The following PCSK6 variants were observed in gnomAD, a reference collection of about 807,000 sequenced individuals.
PCSK6 encodes the protein proprotein convertase subtilisin/kexin type 6, also known as paired basic amino acid cleaving enzyme 4.
In PCSK6, 85 loss-of-function variants were observed where a neutral mutation model predicts 123.3. The observed-to-expected ratio is 0.69, with a 90% CI of 0.58 to 0.83. The LOEUF is 0.83. PCSK6 is among the 40% of genes least tolerant of loss of function. The probability of loss-of-function intolerance (pLI) is 0.00; values close to 1 mark genes in which losing one functional copy is unlikely to be tolerated. For missense variants in PCSK6, 1,191 were observed against 1,282.3 expected (o/e 0.93, Z 1.09); for synonymous variants, 508 against 516.0 (o/e 0.98, Z 0.21).
intron 13 of PCSK6, among the ~76,000 whole-genome samples, chr15:101,332,970 A>C (rs1472741727): frequency 1.3e-5 from 2 of 152,232 alleles, no homozygotes; most frequent in African/African-American, 4.8e-5. Context: ...TGGAAGCCAG[A>C]TGCATTCAGT....
At chr15:101,352,985 T>C (rs2141415070) in intron 13 of PCSK6, among the ~76,000 whole-genome samples, 1 of 152,338 alleles carries the variant, frequency 6.6e-6, no homozygotes, top group East Asian at 1.9e-4. Context: ...AGGAATCAGT[T>C]TATTGGAAGA....
chr15:101,489,274 C>A, intron 1 of PCSK6, 100 bp downstream of exon 1: 1 of 787,954 alleles, frequency 1.3e-6, no homozygotes, highest in Non-Finnish European at 1.6e-6. Flanking sequence ...CACGCGCGCG[C>A]GGGGCCGGGG....
At chr15:101,361,162 C>CT (rs1567164681) in intron 13 of PCSK6, among the ~76,000 whole-genome samples, 3 of 120,018 alleles carry the variant, frequency 2.5e-5, no homozygotes, top group African/African-American at 7.2e-5. Flanking sequence ...TTCTTTCTCT[C>CT]TCTTTTTTTT....
Position 101,370,328 on chromosome 15 carries a change from G to C in PCSK6, c.1721+7C>G. The C allele has an allele frequency of 6.6e-7, 1 of 1,522,058 alleles. No individual in the cohort carries two copies. Among genetic ancestry groups the C allele is most frequent in the South Asian group, 1.3e-5 (1 of 77,812 alleles). 94.3% of individuals were successfully genotyped at this position (1,522,058 alleles called of 1,614,324 possible). A position where few individuals can be genotyped will look rare whatever the true frequency, so the allele number is the denominator to read the frequency against. On this transcript the variant is annotated splice_region_variant and intron_variant, in intron 12 of 21. Transcript: ENST00000611716. ...CAGACCCCATCCCCACGCCTGCCTC[G>C]CCTTACCTCTTTGCCAGAAGTTGAG...
At chr15:101,463,671 G>GT (rs1431187042) in intron 1 of PCSK6, among the ~76,000 whole-genome samples, 1 of 152,164 alleles carries the variant, frequency 6.6e-6, no homozygotes, top group African/African-American at 2.4e-5. Context: ...GTGTGAGGGT[G>GT]TGAGTCTGTG....
rs111939928 is a variant in PCSK6 at position 101,315,043 on chromosome 15, G to A, written c.2570-1538C>T. ...CTCTCACGCCTCACCTGCTGAACCC[G>A]TCTTCCCCACTATCCTTCCTCCAGC... On this transcript the variant is annotated intron_variant, in intron 19 of 21. Transcript: ENST00000611716. Among the ~76,000 whole-genome samples, 1,024 of 152,286 alleles carry A rather than the reference G, an allele frequency of 6.7e-3. 12 individuals are homozygous for A. The highest frequency in any genetic ancestry group is 0.011 in the Non-Finnish European group (738 of 68,008).
intron 1 of PCSK6, among the ~76,000 whole-genome samples, chr15:101,467,892 G>A (rs889447984): frequency 2.6e-5 from 4 of 152,208 alleles, no homozygotes; most frequent in African/African-American, 9.7e-5. Flanking sequence ...GGGAGCCGGA[G>A]GTGTCTGGCA....
intron 13 of PCSK6, among the ~76,000 whole-genome samples, chr15:101,353,190 G>T (rs1052755174): frequency 1.3e-5 from 2 of 152,118 alleles, no homozygotes; most frequent in South Asian, 2.1e-4. Flanking sequence ...AGACGGTCCC[G>T]TCTGGGGGTG....
intron 6 of PCSK6, among the ~76,000 whole-genome samples, chr15:101,422,685 G>A (rs980117156): frequency 7.9e-5 from 12 of 151,388 alleles, no homozygotes; most frequent in Non-Finnish European, 1.6e-4. Context: ...CAGTTGGCGC[G>A]ATCTCAGCTC....
chr15:101,432,958 T>C (rs190552170), intron 2 of PCSK6, among the ~76,000 whole-genome samples: 3 of 152,366 alleles, frequency 2.0e-5, no homozygotes, highest in Non-Finnish European at 1.5e-5. Context: ...GTAGCATCAG[T>C]TCCTGGGTGG....
chr15:101,344,664 T>C (rs931481538), intron 13 of PCSK6, among the ~76,000 whole-genome samples: 1 of 152,134 alleles, frequency 6.6e-6, no homozygotes, highest in Non-Finnish European at 1.5e-5. Flanking sequence ...TTTTAATTTG[T>C]ATTTTTTGAG....
At chr15:101,315,930 G>T (rs1027178344) in intron 19 of PCSK6, among the ~76,000 whole-genome samples, 6 of 152,238 alleles carry the variant, frequency 3.9e-5, no homozygotes, top group Non-Finnish European at 8.8e-5. Context: ...CAAGTGCACT[G>T]GGGCACTGTG....
chr15:101,422,936 T>C (rs1404954419), intron 6 of PCSK6, among the ~76,000 whole-genome samples: 3 of 152,154 alleles, frequency 2.0e-5, no homozygotes, highest in East Asian at 3.8e-4. Flanking sequence ...AGAAACTTAA[T>C]GATATTCAAA....
At chr15:101,380,017 C>T (rs561942180) in intron 11 of PCSK6, among the ~76,000 whole-genome samples, 4 of 152,196 alleles carry the variant, frequency 2.6e-5, no homozygotes, top group African/African-American at 7.2e-5. Context: ...TGGTGTGAGA[C>T]GGTAGGCTGG....
intron 6 of PCSK6, among the ~76,000 whole-genome samples, chr15:101,420,836 A>T (rs2056061164): frequency 6.6e-6 from 1 of 152,244 alleles, no homozygotes; most frequent in Admixed American, 6.5e-5. Flanking sequence ...AACAATGAAG[A>T]TGGCACATGC....
intron 20 of PCSK6, among the ~76,000 whole-genome samples, chr15:101,309,299 C>T (rs1314708524): frequency 4.6e-5 from 7 of 152,328 alleles, no homozygotes; most frequent in Admixed American, 2.6e-4. Context: ...CTCCCGTCCC[C>T]GTTAGGCCAG....
intron 9 of PCSK6, 59 bp from the exon 10 acceptor site, chr15:101,384,484 C>T: frequency 2.1e-6 from 3 of 1,459,238 alleles, no homozygotes; most frequent in African/African-American, 1.4e-5. Context: ...GCCACACAGG[C>T]CACTCAGAGG....
At chr15:101,366,509 G>T (rs77602220) in intron 12 of PCSK6, among the ~76,000 whole-genome samples, 177 bp from the exon 13 acceptor site, 1 of 152,122 alleles carries the variant, frequency 6.6e-6, no homozygotes, top group Non-Finnish European at 1.5e-5. Flanking sequence ...AAATGTGATC[G>T]TCTTTAAGCT....
intron 7 of PCSK6, 24 bp from the exon 8 acceptor site, chr15:101,393,448 C>G (rs772050452): frequency 6.3e-7 from 1 of 1,585,982 alleles, no homozygotes; most frequent in Admixed American, 1.8e-5. Flanking sequence ...AGGAACAAGG[C>G]TTAGCCCCGC....
Sources: gnomAD v4.1 joint callset for allele counts (sites outside exome capture counted in the v4.1 genomes callset) on GRCh38, gnomAD v4.1.1 for gene constraint, MANE v1.5 for transcripts, NCBI Gene and HGNC (gene_info 2026-07-23, HGNC 2026-07-21) for gene names.